The following PTPN3 variants were observed in gnomAD, a reference collection of about 807,000 sequenced individuals.
The protein encoded by PTPN3 is protein tyrosine phosphatase non-receptor type 3.
A neutral mutation model predicts 132.7 loss-of-function variants in PTPN3; 96 were observed. The observed-to-expected ratio is 0.72, with a 90% confidence interval of 0.61 to 0.86. The LOEUF (loss-of-function observed/expected upper bound fraction) is 0.86. Among genes scored for constraint, PTPN3 ranks in the 40% least tolerant of loss-of-function variants. The pLI is 0.00. For synonymous variants in PTPN3, 398 were observed against 429.0 expected (o/e 0.93, Z 0.89); for missense variants, 1,125 against 1,159.6 (o/e 0.97, Z 0.43).
Position 109,446,043 on chromosome 9 carries a change from C to G in PTPN3, c.414-751G>C, listed in dbSNP as rs76298122. ...GCACATTTTGAATCCTCTGATTGCT[C>G]CCTTTTCTTTTCTGCATTCAACTGC... On this transcript the variant is annotated intron_variant, in intron 6 of 25. Transcript: ENST00000374541. 9.4e-3 allele frequency among the ~76,000 whole-genome samples: 1,438 copies of G among 152,280 alleles called. 19 individuals are homozygous for G. Among genetic ancestry groups the G allele is most frequent in the African/African-American group, 0.032 (1,333 of 41,536 alleles).
Position 109,422,585 on chromosome 9 carries a change from A to G in PTPN3, c.1136+133T>C, listed in dbSNP as rs1313003774. 2.9e-6 allele frequency: 3 copies of G among 1,028,480 alleles called. No individual in the cohort carries two copies. In the East Asian group the frequency reaches 7.8e-5, roughly 27 times the overall value. 63.7% of individuals were successfully genotyped at this position (1,028,480 alleles called of 1,614,324 possible). Reference sequence around the variant, plus strand: ...ACTTGTGTACTTCATGAAAACAGTTACTTCTGCCAAGAGCCTAAAATGCAA... The same window carrying G: ...ACTTGTGTACTTCATGAAAACAGTTGCTTCTGCCAAGAGCCTAAAATGCAA... On this transcript the variant is annotated intron_variant, in intron 13 of 25. Coordinates refer to ENST00000374541, the MANE Select transcript of PTPN3 (RefSeq NM_002829.4).
intron 19 of PTPN3, among the ~76,000 whole-genome samples, chr9:109,394,340 C>T (rs191411542): frequency 6.6e-6 from 1 of 152,130 alleles, no homozygotes; most frequent in East Asian, 1.9e-4. Context: ...CTTTAATTAC[C>T]ATAAGACTTT....
At chr9:109,386,809 C>A (rs898890407) in intron 22 of PTPN3, among the ~76,000 whole-genome samples, 1 of 152,208 alleles carries the variant, frequency 6.6e-6, no homozygotes, top group Non-Finnish European at 1.5e-5. Context: ...CAGGACCAGG[C>A]AACCCTCTGG....
In PTPN3 at chr9:109,438,202, G is replaced by A. The variant is rs760725973; in HGVS notation, c.499C>T (p.His167Tyr). The change falls in exon 8 of 26, where the codon CAT becomes TAT. Residue 167 changes from histidine (H) to tyrosine (Y), a missense_variant. Physicochemically the swap from His to Tyr is moderately conservative, Grantham distance 83. Transcript: ENST00000374541. ...HFGDYNSSIHHPGYLSDSHFI... is the reference protein window; with the variant it reads ...HFGDYNSSIHYPGYLSDSHFI... ...TGACTATCGGAAAGATAGCCTGGATGATGTATGGAAGAATTATAGTCTCCA... is the reference window on the plus strand; with the variant it reads ...TGACTATCGGAAAGATAGCCTGGATAATGTATGGAAGAATTATAGTCTCCA... The A allele has an allele frequency of 6.2e-7, 1 of 1,612,970 alleles. No individual in the cohort carries two copies. The highest frequency in any genetic ancestry group is 8.5e-7 in the Non-Finnish European group (1 of 1,179,092).
At chr9:109,408,442 A>AAG in intron 16 of PTPN3, 65 bp from the exon 17 acceptor site, 3 of 1,327,708 alleles carry the variant, frequency 2.3e-6, no homozygotes, top group African/African-American at 2.9e-5. Context: ...ACAAACAAAA[A>AAG]AACGAGTAGC....
intron 1 of PTPN3, among the ~76,000 whole-genome samples, chr9:109,480,966 G>C (rs1158935530): frequency 6.6e-6 from 1 of 152,122 alleles, no homozygotes; most frequent in East Asian, 1.9e-4. Flanking sequence ...TAAACCACTA[G>C]GTTTATCCCT....
chr9:109,421,591 G>A (rs1051383571), intron 13 of PTPN3, among the ~76,000 whole-genome samples: 1 of 152,212 alleles, frequency 6.6e-6, no homozygotes, highest in African/African-American at 2.4e-5. Flanking sequence ...GGGCTCTCTG[G>A]GCCCCTGGCA....
the PTPN3 span, among the ~76,000 whole-genome samples, chr9:109,519,472 A>C: frequency 2.0e-5 from 3 of 152,230 alleles, no homozygotes; most frequent in Non-Finnish European, 4.4e-5. Flanking sequence ...TAACTGCATC[A>C]TAGGTCGAGG....
rs775732806 is a variant in PTPN3 at position 109,382,394 on chromosome 9, G to A, written c.2436C>T (p.His812=). The change falls in exon 24 of 26, where the codon CAC becomes CAT. Residue 812 remains histidine, a synonymous_variant. Transcript: ENST00000374541. ...THLQYVAWPD[H]GVPDDSSDFL... ...AGTCGGAGGAGTCATCGGGCACACC[G>A]TGGTCAGGCCATGCGACGTACTGGA... The A allele has an allele frequency of 4.3e-6, 7 of 1,614,178 alleles. No individual in the cohort carries two copies. The East Asian group carries it at 6.7e-5, about 15-fold the overall frequency.
At chr9:109,518,764 C>A in the PTPN3 span, among the ~76,000 whole-genome samples, 1 of 152,186 alleles carries the variant, frequency 6.6e-6, no homozygotes, top group African/African-American at 2.4e-5. Context: ...AAACCATCTC[C>A]ATTGACTTTA....
chr9:109,530,756 C>T, the PTPN3 span, among the ~76,000 whole-genome samples: 1 of 152,158 alleles, frequency 6.6e-6, no homozygotes, highest in East Asian at 1.9e-4. Context: ...AAATAATATC[C>T]ATTCTAATGG....
chr9:109,521,242 T>G, the PTPN3 span, among the ~76,000 whole-genome samples: 1 of 151,962 alleles, frequency 6.6e-6, no homozygotes, highest in Non-Finnish European at 1.5e-5. Context: ...CACTGCAACC[T>G]CCACCTCCCA....
At chr9:109,404,747 C>A (rs1157905141) in intron 18 of PTPN3, 139 bp from the exon 19 acceptor site, 1 of 979,218 alleles carries the variant, frequency 1.0e-6, no homozygotes, top group East Asian at 3.2e-5. Flanking sequence ...ACATGGTAAT[C>A]ATTTTCACCA....
chr9:109,471,338 G>A (rs577405639), intron 1 of PTPN3, among the ~76,000 whole-genome samples: 4 of 152,162 alleles, frequency 2.6e-5, no homozygotes, highest in Admixed American at 6.5e-5. Context: ...GATTACAGGC[G>A]TGAGCCATCG....
intron 10 of PTPN3, among the ~76,000 whole-genome samples, chr9:109,432,476 G>C (rs545698050): frequency 5.7e-4 from 87 of 152,258 alleles, no homozygotes; most frequent in African/African-American, 2.0e-3. Flanking sequence ...CCATTATGTA[G>C]ATGGTATTAT....
chr9:109,529,277 A>G, the PTPN3 span, among the ~76,000 whole-genome samples: 6 of 152,262 alleles, frequency 3.9e-5, no homozygotes, highest in African/African-American at 1.4e-4. Flanking sequence ...CATCAGCACC[A>G]TCAGGGAACT....
intron 22 of PTPN3, among the ~76,000 whole-genome samples, chr9:109,386,034 A>G (rs3793569): frequency 0.14 from 21,862 of 152,206 alleles, 1,673 homozygotes; most frequent in East Asian, 0.23. Flanking sequence ...TAAATGCATG[A>G]TATGGGTGAA....
intron 1 of PTPN3, among the ~76,000 whole-genome samples, chr9:109,493,114 T>A (rs1320988862): frequency 6.6e-6 from 1 of 152,220 alleles, no homozygotes; most frequent in Non-Finnish European, 1.5e-5. Flanking sequence ...GTTCAAATGT[T>A]GGCTGCAGCC....
At chr9:109,514,367 G>C in the PTPN3 span, among the ~76,000 whole-genome samples, 1 of 152,138 alleles carries the variant, frequency 6.6e-6, no homozygotes, top group Non-Finnish European at 1.5e-5. Context: ...AAACTCCTTA[G>C]TCTGTGCCAT....
Sources: gnomAD v4.1 joint callset for allele counts (sites outside exome capture counted in the v4.1 genomes callset) on GRCh38, gnomAD v4.1.1 for gene constraint, MANE v1.5 for transcripts, NCBI Gene and HGNC (gene_info 2026-07-23, HGNC 2026-07-21) for gene names.